ELP2: variants seen among roughly 807,000 people sequenced by gnomAD.
ELP2 encodes elongator acetyltransferase complex subunit 2.
A neutral mutation model predicts 119.2 loss-of-function variants in ELP2; 90 were observed. That is an observed-to-expected ratio of 0.75 (90% confidence interval 0.64 to 0.90). ELP2 has a LOEUF of 0.90. ELP2 is among the 40% of genes least tolerant of loss of function. ELP2 has a pLI of 0.00. For synonymous variants in ELP2, 339 were observed against 331.0 expected, an observed-to-expected ratio of 1.02 and a Z score of -0.26; for missense variants, 921 against 967.8, an observed-to-expected ratio of 0.95 and a Z score of 0.64.
In ELP2 at chr18:36,165,917, C is replaced by T. The variant is rs191848902; in HGVS notation, c.1955-1184C>T. Among the ~76,000 whole-genome samples the T allele has an allele frequency of 5.3e-5, 8 of 151,842 alleles. No homozygotes were observed. The East Asian group carries it at 9.7e-4, about 18-fold the overall frequency. Reference sequence around the variant, plus strand: ...AAAATAAGTTAAAGTTGGACGGGTGCGGTGGCTCACACCTGTAATCCTACC... The same window carrying T: ...AAAATAAGTTAAAGTTGGACGGGTGTGGTGGCTCACACCTGTAATCCTACC... On this transcript the variant is annotated intron_variant, in intron 18 of 21. Transcript: ENST00000358232.
At position 36,133,254 on chromosome 18, in the gene ELP2, C is replaced by T; in HGVS notation, c.155C>T (p.Thr52Ile). Residue 52 changes from threonine to isoleucine, a missense_variant, in exon 2 of 22, where the codon ACC (threonine) becomes ATC (isoleucine). Thr to Ile is a moderately conservative substitution (Grantham distance 89, BLOSUM62 -1). Transcript: ENST00000358232. ...TCTCTAAAGAAAAGGGTTGTTGTTACCAACTTGAATGGTCACACCGCCCGA... is the reference window on the plus strand; with the variant it reads ...TCTCTAAAGAAAAGGGTTGTTGTTATCAACTTGAATGGTCACACCGCCCGA... Reference protein sequence around the residue: ...LYDPLKRVVVTNLNGHTARVN... With the variant: ...LYDPLKRVVVINLNGHTARVN... The T allele has an allele frequency of 6.2e-7, 1 of 1,613,474 alleles. No individual in the cohort carries two copies. Among genetic ancestry groups the T allele is most frequent in the South Asian group, 1.1e-5 (1 of 91,060 alleles).
chr18:36,152,953 T>G (rs1326199413), intron 11 of ELP2, among the ~76,000 whole-genome samples: 3 of 152,234 alleles, frequency 2.0e-5, no homozygotes, highest in African/African-American at 7.2e-5. Flanking sequence ...TTCCCCCACA[T>G]TGACTACCTT....
rs180892046 is a variant in ELP2 at position 36,174,472 on chromosome 18, A to G, written c.2325-13A>G. 17 of 1,612,920 alleles carry G rather than the reference A, an allele frequency of 1.1e-5. No homozygotes were observed. The highest frequency in any genetic ancestry group is 5.3e-5 in the African/African-American group (4 of 75,008). Reference sequence around the variant, plus strand: ...TGGAAAAACATTTCATGATTTCTCTATCTTTGTTTTAGCCAAAGTCATACA... The same window carrying G: ...TGGAAAAACATTTCATGATTTCTCTGTCTTTGTTTTAGCCAAAGTCATACA... On this transcript the variant is annotated splice_polypyrimidine_tract_variant and intron_variant, in intron 21 of 21. Coordinates refer to ENST00000358232, the MANE Select transcript of ELP2 (RefSeq NM_018255.4).
In ELP2 at chr18:36,141,148, G is replaced by A. The variant is rs751394059; in HGVS notation, c.535G>A (p.Ala179Thr). Residue 179 changes from alanine (A) to threonine (T), a missense_variant, in exon 6 of 22, where the codon GCA becomes ACA. By Grantham distance (58) the Ala-to-Thr change is moderately conservative. Transcript: ENST00000358232. ...TTTTCTTCCCCCAGTACCAATATTA[G>A]CATGTGGCAATGATGATTGCAGAAT... ...FLPNTDVPILACGNDDCRIHI... is the reference protein window; with the variant it reads ...FLPNTDVPILTCGNDDCRIHI... 3.1e-6 allele frequency: 5 copies of A among 1,613,698 alleles called. No individual in the cohort carries two copies. Among genetic ancestry groups the A allele is most frequent in the South Asian group, 1.1e-5 (1 of 91,056 alleles).
chr18:36,133,408 C>T, intron 2 of ELP2, 92 bp downstream of exon 2: 1 of 864,620 alleles, frequency 1.2e-6, no homozygotes, highest in Admixed American at 1.9e-5. Flanking sequence ...CTTAATTTAG[C>T]ATTACCTTAT....
intron 12 of ELP2, among the ~76,000 whole-genome samples, chr18:36,155,272 C>G (rs1007484272): frequency 4.1e-5 from 6 of 145,910 alleles, no homozygotes; most frequent in Non-Finnish European, 7.6e-5. Flanking sequence ...CCTCCCCCCC[C>G]CCCGCCTCCC....
At position 36,178,510 on chromosome 18, in the gene ELP2, C is replaced by G. The variant is rs1455101838; in HGVS notation, c.*3869C>G. ...TGCCTCTTGATCTGAACTAGCCAATCAATCTTGTAAAAATGTGCTTAAGGG... is the reference window on the plus strand; with the variant it reads ...TGCCTCTTGATCTGAACTAGCCAATGAATCTTGTAAAAATGTGCTTAAGGG... On this transcript the variant is annotated 3_prime_UTR_variant, in exon 22 of 22. Coordinates refer to ENST00000358232, the MANE Select transcript of ELP2 (RefSeq NM_018255.4). The G allele has an allele frequency of 6.6e-6, 1 of 152,142 alleles. No individual in the cohort carries two copies. The highest frequency in any genetic ancestry group is 1.9e-4 in the East Asian group (1 of 5,182). 9.4% of individuals were successfully genotyped at this position (152,142 alleles called of 1,614,324 possible).
chr18:36,145,829 A>G (rs2090179435), intron 9 of ELP2, 119 bp from the exon 10 acceptor site: 5 of 862,578 alleles, frequency 5.8e-6, no homozygotes, highest in Non-Finnish European at 9.9e-6. Context: ...ATTTTTTGCT[A>G]TTACAAATAA....
At chr18:36,163,461 TG>T (rs1362585881) in intron 17 of ELP2, among the ~76,000 whole-genome samples, 2 of 152,168 alleles carry the variant, frequency 1.3e-5, no homozygotes, top group Non-Finnish European at 2.9e-5. Flanking sequence ...TTTTATGTTT[TG>T]GTGAAGTCCA....
rs1489432141 is a variant in ELP2, at chr18:36,154,042, G to C, written c.1126-808G>C. On this transcript the variant is annotated intron_variant, in intron 11 of 21. Coordinates refer to ENST00000358232, the MANE Select transcript of ELP2 (RefSeq NM_018255.4). ...TTTAGAATCAGTTTTTGTTCACAGA[G>C]GGAGTAACATTTTTTGTCACAGGCT... Among the ~76,000 whole-genome samples the C allele has an allele frequency of 2.0e-5, 3 of 150,962 alleles. No individual in the cohort carries two copies. In the East Asian group the frequency reaches 5.8e-4, roughly 29 times the overall value.
intron 11 of ELP2, among the ~76,000 whole-genome samples, chr18:36,149,251 G>A (rs1204001580): frequency 2.6e-5 from 4 of 151,950 alleles, no homozygotes; most frequent in Admixed American, 1.3e-4. Flanking sequence ...TAGATTGCTG[G>A]CAGTAATACA....
At chr18:36,160,630 T>C (rs1408359203) in intron 16 of ELP2, among the ~76,000 whole-genome samples, 1 of 152,042 alleles carries the variant, frequency 6.6e-6, no homozygotes, top group Non-Finnish European at 1.5e-5. Context: ...CTTTTTGTCT[T>C]TGATGGTTCC....
At chr18:36,143,525 T>A (rs1419471452) in intron 8 of ELP2, among the ~76,000 whole-genome samples, 1 of 150,646 alleles carries the variant, frequency 6.6e-6, no homozygotes, top group African/African-American at 2.4e-5. Context: ...TGGCTTAGCT[T>A]CCTGAGTAGC....
intron 1 of ELP2, among the ~76,000 whole-genome samples, chr18:36,132,979 G>A (rs139765924): frequency 1.4e-4 from 22 of 152,266 alleles, no homozygotes; most frequent in Admixed American, 3.9e-4. Flanking sequence ...AAGCAGGTGG[G>A]TGGATGCAGA....
chr18:36,132,202 G>A (rs2089659303), intron 1 of ELP2, among the ~76,000 whole-genome samples: 1 of 152,148 alleles, frequency 6.6e-6, no homozygotes, highest in South Asian at 2.1e-4. Flanking sequence ...GGGCTTTTAA[G>A]TAAATATGGG....
At position 36,171,244 on chromosome 18, in the gene ELP2, G is replaced by A. The variant is rs1598842683; in HGVS notation, c.2324+84G>A. On this transcript the variant is annotated intron_variant, in intron 21 of 21. Transcript: ENST00000358232. Reference sequence around the variant, plus strand: ...GGCAAATTTTATGCCACATTTTCATGGAGAGGGACATATATCTGTATTCGT... The same window carrying A: ...GGCAAATTTTATGCCACATTTTCATAGAGAGGGACATATATCTGTATTCGT... The A allele has an allele frequency of 5.7e-6, 5 of 873,914 alleles. No individual in the cohort carries two copies. In the East Asian group the frequency reaches 1.3e-4, roughly 23 times the overall value. The allele number at this position is 873,914 out of a possible 1,614,324, so 54.1% of individuals were successfully genotyped here.
At chr18:36,149,722 A>G (rs1016504522) in intron 11 of ELP2, among the ~76,000 whole-genome samples, 5 of 152,098 alleles carry the variant, frequency 3.3e-5, no homozygotes, top group African/African-American at 1.2e-4. Flanking sequence ...CCCCATATCA[A>G]CAAGAAAAAC....
chr18:36,154,933 T>C lies in ELP2; in HGVS notation c.1209T>C (p.Ile403=), dbSNP rs771300060. 1.5e-5 allele frequency: 24 copies of C among 1,613,950 alleles called. No individual in the cohort carries two copies. The highest frequency in any genetic ancestry group is 1.9e-5 in the Non-Finnish European group (23 of 1,179,918). Residue 403 remains isoleucine (I), a synonymous_variant, in exon 12 of 22, where the codon ATT becomes ATC. Transcript: ENST00000358232. ...DLVWDPEGEF[I]ITVGTDQTTR... ...TCTGGGATCCAGAAGGAGAATTTATTATCACTGTTGGTACTGATCAGACAA... is the reference window on the plus strand; with the variant it reads ...TCTGGGATCCAGAAGGAGAATTTATCATCACTGTTGGTACTGATCAGACAA...
intron 13 of ELP2, among the ~76,000 whole-genome samples, chr18:36,156,999 T>C (rs1198491809): frequency 6.6e-6 from 1 of 151,904 alleles, no homozygotes; most frequent in African/African-American, 2.4e-5. Flanking sequence ...ATGGTAGGGG[T>C]AGAGGTAGGG....
Sources: gnomAD v4.1 joint callset for allele counts (sites outside exome capture counted in the v4.1 genomes callset) on GRCh38, gnomAD v4.1.1 for gene constraint, MANE v1.5 for transcripts, NCBI Gene and HGNC (gene_info 2026-07-23, HGNC 2026-07-21) for gene names.